Variants in SKIC3 observed in about 807,000 individuals in gnomAD.
SKIC3 encodes the protein SKI3 subunit of superkiller complex.
At chr5:95,522,808 A>T in the SKIC3 span, among the ~76,000 whole-genome samples, 1 of 152,336 alleles carries the variant, frequency 6.6e-6, no homozygotes, top group South Asian at 2.1e-4. Context: ...ACATTTAAGT[A>T]CTGTTCAAAT....
chr5:95,508,880 C>T, the SKIC3 span, among the ~76,000 whole-genome samples: 1 of 152,154 alleles, frequency 6.6e-6, no homozygotes, highest in African/African-American at 2.4e-5. Context: ...CAAACAAACA[C>T]ATCACAATGT....
chr5:95,538,346 A>AATTTGTT, the SKIC3 span, among the ~76,000 whole-genome samples: 2 of 152,164 alleles, frequency 1.3e-5, no homozygotes, highest in African/African-American at 4.8e-5. Flanking sequence ...TGCACAGATA[A>AATTTGTT]ATCATGTTAT....
the SKIC3 span, among the ~76,000 whole-genome samples, chr5:95,477,927 T>C: frequency 6.6e-6 from 1 of 152,232 alleles, no homozygotes; most frequent in Non-Finnish European, 1.5e-5. Context: ...TCTTAGAGAA[T>C]GTTGAATTGA....
chr5:95,469,644 GAT>G, the SKIC3 span: 2 of 1,206,800 alleles, frequency 1.7e-6, no homozygotes, highest in East Asian at 4.8e-5. Flanking sequence ...AGTAGATACA[GAT>G]ATATAAATAC....
chr5:95,504,829 C>T, the SKIC3 span, among the ~76,000 whole-genome samples: 4 of 151,866 alleles, frequency 2.6e-5, no homozygotes, highest in African/African-American at 7.3e-5. Flanking sequence ...GATGAAACCC[C>T]GTCTCTAATA....
At chr5:95,502,973 G>T in the SKIC3 span, 2 of 1,613,938 alleles carry the variant, frequency 1.2e-6, no homozygotes, top group Non-Finnish European at 8.5e-7. Context: ...GTCTTGCTCC[G>T]ATTCAACAAT....
the SKIC3 span, among the ~76,000 whole-genome samples, chr5:95,549,684 T>C: frequency 6.6e-6 from 1 of 152,026 alleles, no homozygotes; most frequent in Admixed American, 6.6e-5. Flanking sequence ...AGAAGTTTAA[T>C]TTGTAAAAAG....
chr5:95,546,953 C>G, the SKIC3 span: 1 of 1,090,768 alleles, frequency 9.2e-7, no homozygotes, highest in Non-Finnish European at 1.4e-6. Flanking sequence ...TACTAAATGG[C>G]CTTACCACTT....
chr5:95,551,143 G>A, the SKIC3 span, among the ~76,000 whole-genome samples: 11 of 152,164 alleles, frequency 7.2e-5, no homozygotes, highest in South Asian at 2.3e-3. Context: ...GTAATCTAAT[G>A]AAAACAGAGA....
chr5:95,506,835 C>T, the SKIC3 span: 2 of 1,176,848 alleles, frequency 1.7e-6, no homozygotes, highest in South Asian at 2.5e-5. Flanking sequence ...CCTACATGTA[C>T]CAGTATTCTA....
the SKIC3 span, among the ~76,000 whole-genome samples, chr5:95,504,602 C>G: frequency 6.6e-6 from 1 of 151,982 alleles, no homozygotes; most frequent in Non-Finnish European, 1.5e-5. Flanking sequence ...AGAATCAAAC[C>G]TATCTTTTGT....
the SKIC3 span, among the ~76,000 whole-genome samples, chr5:95,510,735 C>T: frequency 3.3e-5 from 5 of 152,132 alleles, no homozygotes; most frequent in African/African-American, 1.2e-4. Flanking sequence ...AATGCTTGTT[C>T]GGGGAGACTG....
At chr5:95,504,838 TA>T in the SKIC3 span, among the ~76,000 whole-genome samples, 2 of 150,438 alleles carry the variant, frequency 1.3e-5, no homozygotes, top group African/African-American at 2.4e-5. Flanking sequence ...CCGTCTCTAA[TA>T]AAAAAAAATA....
chr5:95,523,404 A>G, the SKIC3 span: 2 of 1,447,838 alleles, frequency 1.4e-6, no homozygotes, highest in Admixed American at 1.8e-5. Flanking sequence ...GTACACAAAC[A>G]TATTTTCATT....
chr5:95,545,554 C>T, the SKIC3 span, among the ~76,000 whole-genome samples: 4 of 152,148 alleles, frequency 2.6e-5, no homozygotes, highest in African/African-American at 9.7e-5. Context: ...TCAATGAAAA[C>T]ATGGCTAATT....
At chr5:95,505,871 A>G in the SKIC3 span, among the ~76,000 whole-genome samples, 1 of 151,972 alleles carries the variant, frequency 6.6e-6, no homozygotes, top group Non-Finnish European at 1.5e-5. Context: ...TTTAAGATAT[A>G]ATTTGATTGG....
the SKIC3 span, chr5:95,522,094 C>A: frequency 6.2e-7 from 1 of 1,613,684 alleles, no homozygotes; most frequent in South Asian, 1.1e-5. Context: ...TTTTAATGAT[C>A]ATCTGGTATT....
the SKIC3 span, chr5:95,547,036 T>A: frequency 6.3e-7 from 1 of 1,597,272 alleles, no homozygotes; most frequent in Non-Finnish European, 8.6e-7. Flanking sequence ...ATACTTTCAT[T>A]GTGGAAGAAA....
chr5:95,482,621 C>A, the SKIC3 span: 3 of 1,613,748 alleles, frequency 1.9e-6, no homozygotes, highest in Non-Finnish European at 2.5e-6. Flanking sequence ...ATCAGGGTTA[C>A]TTTTTAAATT....
Sources: gnomAD v4.1 joint callset for allele counts (sites outside exome capture counted in the v4.1 genomes callset) on GRCh38, gnomAD v4.1.1 for gene constraint, MANE v1.5 for transcripts, NCBI Gene and HGNC (gene_info 2026-07-23, HGNC 2026-07-21) for gene names.